The following UBASH3B variants were observed in gnomAD, a reference collection of about 807,000 sequenced individuals.
UBASH3B encodes the protein ubiquitin associated and SH3 domain containing B.
In UBASH3B, 37 loss-of-function variants were observed where a neutral mutation model predicts 83.4. The observed-to-expected ratio is 0.44, with a 90% CI of 0.34 to 0.58. The LOEUF (loss-of-function observed/expected upper bound fraction) is 0.58, where lower values mean the gene tolerates loss of function less well. Ranked by LOEUF, UBASH3B falls within the 20% of genes least tolerant of loss-of-function variation. The pLI, the probability that UBASH3B is intolerant of heterozygous loss-of-function variation, is 0.01. For missense variants in UBASH3B, 657 were observed against 827.2 expected (o/e 0.79, Z 2.52); for synonymous variants, 304 against 318.3 (o/e 0.96, Z 0.48).
chr11:122,769,949 T>G (rs1860614042), intron 1 of UBASH3B, among the ~76,000 whole-genome samples: 1 of 152,258 alleles, frequency 6.6e-6, no homozygotes, highest in South Asian at 2.1e-4. Context: ...GTTGAGAACA[T>G]TTTTTAAAAT....
At chr11:122,794,219 T>C (rs1861110798) in intron 6 of UBASH3B, among the ~76,000 whole-genome samples, 1 of 152,168 alleles carries the variant, frequency 6.6e-6, no homozygotes, top group Non-Finnish European at 1.5e-5. Context: ...TTCTTATTTC[T>C]TTTTGAGACG....
At chr11:122,782,912 G>T in intron 4 of UBASH3B, 141 bp from the exon 5 acceptor site, 1 of 1,007,006 alleles carries the variant, frequency 9.9e-7, no homozygotes, top group Admixed American at 2.4e-5. Flanking sequence ...CTACTGCTGT[G>T]AAGGAGAGAA....
chr11:122,661,030 G>T (rs1225287334), intron 1 of UBASH3B, among the ~76,000 whole-genome samples: 1 of 152,200 alleles, frequency 6.6e-6, no homozygotes, highest in Non-Finnish European at 1.5e-5. Flanking sequence ...AGACAGAAAA[G>T]AACTTGGGAA....
chr11:122,659,426 C>G (rs1424627777), intron 1 of UBASH3B, among the ~76,000 whole-genome samples: 2 of 152,158 alleles, frequency 1.3e-5, no homozygotes, highest in Non-Finnish European at 2.9e-5. Flanking sequence ...GTCACCTGAT[C>G]TAGTTGGACT....
At chr11:122,755,871 A>G (rs1861274931) in intron 1 of UBASH3B, among the ~76,000 whole-genome samples, 1 of 152,196 alleles carries the variant, frequency 6.6e-6, no homozygotes, top group African/African-American at 2.4e-5. Flanking sequence ...CTTTTTTCCC[A>G]TACTCACTGA....
intron 1 of UBASH3B, among the ~76,000 whole-genome samples, chr11:122,712,298 T>C (rs1185382954): frequency 9.9e-5 from 15 of 152,146 alleles, no homozygotes; most frequent in Admixed American, 8.5e-4. Flanking sequence ...CATATTGTCC[T>C]CAAAGTCCTC....
At position 122,670,179 on chromosome 11, in the gene UBASH3B, ATGTG is replaced by A. The variant is rs34408096; in HGVS notation, c.161+13987_161+13990del. Reference sequence around the variant, plus strand: ...TGTGTGTATGTGTTTCTGAGTGTGAATGTGTGTGTGTGTGTGTGTGTATATACAC... The same window carrying A: ...TGTGTGTATGTGTTTCTGAGTGTGAATGTGTGTGTGTGTGTGTATATACAC... On this transcript the variant is annotated intron_variant, in intron 1 of 13. Transcript: ENST00000284273. 2.2e-3 allele frequency among the ~76,000 whole-genome samples: 326 copies of A among 149,504 alleles called. 2 individuals carry two copies. The highest frequency in any genetic ancestry group is 7.1e-3 in the African/African-American group (291 of 40,850).
chr11:122,799,403 C>T (rs1460182409), intron 10 of UBASH3B, among the ~76,000 whole-genome samples: 1 of 151,348 alleles, frequency 6.6e-6, no homozygotes, highest in Non-Finnish European at 1.5e-5. Flanking sequence ...AGGAGAATTG[C>T]TTGAACCCGG....
chr11:122,685,123 C>T (rs557603972), intron 1 of UBASH3B, among the ~76,000 whole-genome samples: 107 of 152,336 alleles, frequency 7.0e-4, no homozygotes, highest in Middle Eastern at 3.4e-3. Context: ...TGGATTATCA[C>T]TGAATTTGCA....
At chr11:122,669,330 T>C (rs1863560621) in intron 1 of UBASH3B, among the ~76,000 whole-genome samples, 1 of 152,172 alleles carries the variant, frequency 6.6e-6, no homozygotes, top group African/African-American at 2.4e-5. Flanking sequence ...TCCTCCATCT[T>C]CAAGTACGTC....
chr11:122,723,429 G>T (rs2135945866), intron 1 of UBASH3B, among the ~76,000 whole-genome samples: 1 of 152,298 alleles, frequency 6.6e-6, no homozygotes, highest in African/African-American at 2.4e-5. Flanking sequence ...ATCTCCCTTG[G>T]AGACGCATTC....
chr11:122,720,061 C>T (rs886685779), intron 1 of UBASH3B, among the ~76,000 whole-genome samples: 1 of 152,156 alleles, frequency 6.6e-6, no homozygotes, highest in African/African-American at 2.4e-5. Flanking sequence ...TAAACTCACC[C>T]CCATAGTAGT....
Position 122,737,544 on chromosome 11 carries a change from C to T in UBASH3B, c.162-38675C>T, listed in dbSNP as rs775536137. ...GATGCTCAGTAAGAATGAGGAGCGT[C>T]GCTAAAGCCCCACCTTCTACATAAA... On this transcript the variant is annotated intron_variant, in intron 1 of 13. Coordinates refer to ENST00000284273, the MANE Select transcript of UBASH3B (RefSeq NM_032873.5). Among the ~76,000 whole-genome samples, 8 of 152,052 alleles carry T rather than the reference C, an allele frequency of 5.3e-5. No homozygotes were observed. In the East Asian group the frequency reaches 5.8e-4, roughly 11 times the overall value.
At chr11:122,728,666 C>T (rs564282352) in intron 1 of UBASH3B, among the ~76,000 whole-genome samples, 1 of 152,314 alleles carries the variant, frequency 6.6e-6, no homozygotes, top group East Asian at 1.9e-4. Flanking sequence ...GATTGGGTAC[C>T]CCATTCAGCA....
chr11:122,770,271 A>C (rs1044506668), intron 1 of UBASH3B, among the ~76,000 whole-genome samples: 3 of 152,212 alleles, frequency 2.0e-5, no homozygotes, highest in African/African-American at 7.2e-5. Context: ...TACTATTTTG[A>C]GGGAATATGT....
At chr11:122,719,610 G>C (rs34373496) in intron 1 of UBASH3B, among the ~76,000 whole-genome samples, 1 of 152,098 alleles carries the variant, frequency 6.6e-6, no homozygotes. Context: ...AGCCTTAGTA[G>C]CTGGAAAGAT....
At chr11:122,668,876 C>T (rs182208856) in intron 1 of UBASH3B, among the ~76,000 whole-genome samples, 1 of 152,266 alleles carries the variant, frequency 6.6e-6, no homozygotes, top group Non-Finnish European at 1.5e-5. Flanking sequence ...AGTCTTCTTC[C>T]TTGCCAAGCA....
chr11:122,699,531 C>CTCTTTCTTTCTCTTTCTTTCTTTCTT (rs1864009641), intron 1 of UBASH3B, among the ~76,000 whole-genome samples: 1 of 107,866 alleles, frequency 9.3e-6, no homozygotes, highest in African/African-American at 3.5e-5. Flanking sequence ...TTCTTTCTTT[C>CTCTTTCTTTCTCTTTCTTTCTTTCTT]TCTTTCTTTC....
intron 1 of UBASH3B, among the ~76,000 whole-genome samples, chr11:122,701,407 A>G (rs1864038801): frequency 6.6e-6 from 1 of 152,184 alleles, no homozygotes. Flanking sequence ...ACTCTTATTA[A>G]TGAGAACGAG....
Sources: gnomAD v4.1 joint callset for allele counts (sites outside exome capture counted in the v4.1 genomes callset) on GRCh38, gnomAD v4.1.1 for gene constraint, MANE v1.5 for transcripts, NCBI Gene and HGNC (gene_info 2026-07-23, HGNC 2026-07-21) for gene names.